CASTOR2: variants seen among roughly 807,000 people sequenced by gnomAD.
CASTOR2 encodes cytosolic arginine sensor for mTORC1 subunit 2.
A neutral mutation model predicts 31.2 loss-of-function variants in CASTOR2; 8 were observed. The observed-to-expected ratio is 0.26, with a 90% CI of 0.15 to 0.46. The LOEUF is 0.46. Among genes scored for constraint, CASTOR2 ranks in the 20% least tolerant of loss-of-function variants. The probability of loss-of-function intolerance (pLI) is 0.99; values close to 1 mark genes in which losing one functional copy is unlikely to be tolerated. For missense variants in CASTOR2, 216 were observed against 382.1 expected (o/e 0.57, Z 3.62); for synonymous variants, 162 against 158.7 (o/e 1.02, Z -0.16).
chr7:74,982,997 C>T (rs1347679662), intron 1 of CASTOR2, among the ~76,000 whole-genome samples: 3 of 45,966 alleles, frequency 6.5e-5, no homozygotes, highest in African/African-American at 8.3e-5. Context: ...GGCAGTAAAA[C>T]GCATTTTTTT....
chr7:74,986,263 G>C (rs1231997073), intron 1 of CASTOR2, among the ~76,000 whole-genome samples: 3 of 143,764 alleles, frequency 2.1e-5, no homozygotes, highest in African/African-American at 7.5e-5. Context: ...TGTGGGGGGT[G>C]GATCACAAGG....
intron 2 of CASTOR2, among the ~76,000 whole-genome samples, chr7:75,012,243 T>C (rs1203940427): frequency 6.6e-6 from 1 of 152,106 alleles, no homozygotes; most frequent in Admixed American, 6.6e-5. Context: ...AGTATGAGGC[T>C]AGGAGGACAA....
rs1312261761 is a variant in CASTOR2 at position 75,001,370 on chromosome 7, G to A, written c.114-6624G>A. ...TGAGATTACAGATGTGAGCCACTGC[G>A]CCCGGCCTCCCACCTGGAGTTTTTT... On this transcript the variant is annotated intron_variant, in intron 1 of 8. Transcript: ENST00000616305. 3.7e-4 allele frequency among the ~76,000 whole-genome samples: 56 copies of A among 152,190 alleles called. No homozygotes were observed. The South Asian group carries it at 3.7e-3, about 10-fold the overall frequency.
At chr7:74,995,314 A>G (rs1488762656) in intron 1 of CASTOR2, among the ~76,000 whole-genome samples, 1 of 151,736 alleles carries the variant, frequency 6.6e-6, no homozygotes, top group African/African-American at 2.4e-5. Context: ...GAAAGGGGGA[A>G]GGAGTTTGCC....
At chr7:75,011,742 A>C (rs1190646070) in intron 2 of CASTOR2, among the ~76,000 whole-genome samples, 3 of 142,426 alleles carry the variant, frequency 2.1e-5, no homozygotes, top group African/African-American at 3.0e-5. Flanking sequence ...AAAAAAAAAA[A>C]AAAACCAAAA....
At chr7:75,021,993 G>A in intron 7 of CASTOR2, 37 bp downstream of exon 7, 2 of 1,549,540 alleles carry the variant, frequency 1.3e-6, no homozygotes, top group Non-Finnish European at 1.7e-6. Flanking sequence ...AATTGAGGGA[G>A]CTGGCATTGC....
intron 2 of CASTOR2, among the ~76,000 whole-genome samples, chr7:75,009,713 A>G (rs1584472804): frequency 6.6e-6 from 1 of 151,846 alleles, no homozygotes; most frequent in Non-Finnish European, 1.5e-5. Flanking sequence ...TACTGGGGAC[A>G]CACTTGGCAT....
intron 1 of CASTOR2, among the ~76,000 whole-genome samples, chr7:75,001,397 A>G (rs1804492554): frequency 6.6e-6 from 1 of 152,050 alleles, no homozygotes; most frequent in African/African-American, 2.4e-5. Flanking sequence ...GAGTTTTTTA[A>G]CAGCACTTAG....
intron 7 of CASTOR2, among the ~76,000 whole-genome samples, chr7:75,022,359 G>T (rs1805026764): frequency 6.6e-6 from 1 of 152,122 alleles, no homozygotes. Flanking sequence ...TTTAAAATTA[G>T]CTGGGCATGG....
chr7:74,983,307 C>T (rs1359603834), intron 1 of CASTOR2, among the ~76,000 whole-genome samples: 14 of 150,986 alleles, frequency 9.3e-5, no homozygotes, highest in East Asian at 3.9e-4. Context: ...CCACTATGCC[C>T]GGCCACATTT....
At chr7:74,997,590 T>A (rs1166497032) in intron 1 of CASTOR2, among the ~76,000 whole-genome samples, 70 of 152,160 alleles carry the variant, frequency 4.6e-4, no homozygotes, top group Non-Finnish European at 8.2e-4. Flanking sequence ...TATGCCAGGC[T>A]AATTTTTGTA....
chr7:74,988,427 A>C (rs1238787064), intron 1 of CASTOR2, among the ~76,000 whole-genome samples: 1 of 151,988 alleles, frequency 6.6e-6, no homozygotes, highest in Non-Finnish European at 1.5e-5. Context: ...CCTCCCGGGT[A>C]GCTGGGACTA....
chr7:75,015,762 G>A (rs1481647137), intron 2 of CASTOR2, among the ~76,000 whole-genome samples: 1 of 151,404 alleles, frequency 6.6e-6, no homozygotes, highest in Non-Finnish European at 1.5e-5. Flanking sequence ...TTGAGTGTAC[G>A]GTGAGCAAAA....
chr7:75,014,419 CAAAAA>C (rs1193842037), intron 2 of CASTOR2, among the ~76,000 whole-genome samples: 7 of 57,558 alleles, frequency 1.2e-4, no homozygotes, highest in African/African-American at 3.3e-4. Context: ...ACTAAAAATA[CAAAAA>C]AAAAAAAAAA....
rs1805269860 is a variant in CASTOR2, at chr7:75,030,430, G to A, written c.*5731G>A. ...CTGGCTCCAGGGGAGAGGGTGGGGC[G>A]TCTCTGGTAGGACGGCCTCACCCCA... On this transcript the variant is annotated 3_prime_UTR_variant, in exon 9 of 9. Coordinates refer to ENST00000616305, the MANE Select transcript of CASTOR2 (RefSeq NM_001145064.3). 1.3e-5 allele frequency among the ~76,000 whole-genome samples: 2 copies of A among 152,150 alleles called. No individual in the cohort carries two copies. Among genetic ancestry groups the A allele is most frequent in the East Asian group, 1.9e-4 (1 of 5,184 alleles).
At chr7:75,017,507 C>A in intron 2 of CASTOR2, 91 bp from the exon 3 acceptor site, 3 of 1,434,386 alleles carry the variant, frequency 2.1e-6, no homozygotes, top group Non-Finnish European at 2.9e-6. Context: ...GGCCCCAGAG[C>A]ATCACTCTCC....
rs2131940939 is a variant in CASTOR2 at position 75,002,900 on chromosome 7, C to T, written c.114-5094C>T. Among the ~76,000 whole-genome samples the T allele has an allele frequency of 2.0e-5, 3 of 152,114 alleles. 1 individual carries two copies. In the Middle Eastern group the frequency reaches 0.01, roughly 517 times the overall value. On this transcript the variant is annotated intron_variant, in intron 1 of 8. Coordinates refer to ENST00000616305, the MANE Select transcript of CASTOR2 (RefSeq NM_001145064.3). The stretch of plus-strand genomic sequence containing the variant: ...GCCAGGAGTTCAAGACCCGCCTGGG[C>T]AACATAGCAAGATCCCATCTCTATA...
At chr7:75,014,250 G>A (rs1313991572) in intron 2 of CASTOR2, among the ~76,000 whole-genome samples, 4 of 151,856 alleles carry the variant, frequency 2.6e-5, no homozygotes, top group Admixed American at 6.6e-5. Context: ...CGCATGGCAA[G>A]GCATGGTCAG....
chr7:75,015,495 C>G (rs1385110336), intron 2 of CASTOR2, among the ~76,000 whole-genome samples: 1 of 152,058 alleles, frequency 6.6e-6, no homozygotes, highest in Admixed American at 6.6e-5. Flanking sequence ...CCAGGCTGGT[C>G]TCAAATTCCT....
Sources: gnomAD v4.1 joint callset for allele counts (sites outside exome capture counted in the v4.1 genomes callset) on GRCh38, gnomAD v4.1.1 for gene constraint, MANE v1.5 for transcripts, NCBI Gene and HGNC (gene_info 2026-07-23, HGNC 2026-07-21) for gene names.